CYYR1: variants seen among roughly 807,000 people sequenced by gnomAD.
The protein encoded by CYYR1 is cysteine and tyrosine-rich protein 1.
Under a neutral mutation model 15.2 loss-of-function variants are expected in CYYR1, and 14 were observed. That is an observed-to-expected ratio of 0.92 (90% CI 0.61 to 1.44). The LOEUF is 1.44. Among genes scored for constraint, CYYR1 ranks in the 40% most tolerant of loss-of-function variants. CYYR1 has a pLI of 0.00. For synonymous variants in CYYR1, 80 were observed against 77.4 expected (o/e 1.03, Z -0.18); for missense variants, 228 against 209.5 (o/e 1.09, Z -0.54).
intron 2 of CYYR1, chr21:26,564,760 T>A: frequency 8.1e-7 from 1 of 1,231,648 alleles, no homozygotes; most frequent in Non-Finnish European, 1.0e-6. Context: ...GACCAAAGAA[T>A]CACAGAATCA....
At chr21:26,477,830 A>T in intron 3 of CYYR1, 1 of 1,191,658 alleles carries the variant, frequency 8.4e-7, no homozygotes, top group Admixed American at 4.3e-5. Context: ...AGGTATAAAT[A>T]ATAATAAAAA....
intron 2 of CYYR1, among the ~76,000 whole-genome samples, chr21:26,563,887 T>A (rs1166990604): frequency 6.6e-6 from 1 of 152,230 alleles, no homozygotes; most frequent in Non-Finnish European, 1.5e-5. Context: ...ACATTTTTAT[T>A]TTAAAAACAA....
chr21:26,556,449 G>A (rs1301184343), intron 2 of CYYR1, among the ~76,000 whole-genome samples: 2 of 152,114 alleles, frequency 1.3e-5, no homozygotes, highest in Non-Finnish European at 2.9e-5. Context: ...ATAGTAACAG[G>A]ATAGTGTATT....
rs144926054 is a variant in CYYR1, at chr21:26,474,109, C to T, written c.335-5475G>A. Among the ~76,000 whole-genome samples the T allele has an allele frequency of 5.3e-3, 778 of 147,736 alleles. 7 individuals carry two copies. The highest frequency in any genetic ancestry group is 0.017 in the African/African-American group (695 of 39,992). ...TTGCCCAGGCTGGAGTGCAATGGCG[C>T]GATCTTGCCTCACTGTAAACTCCAC... On this transcript the variant is annotated intron_variant, in intron 3 of 3. Transcript: ENST00000652641.
chr21:26,499,010 T>A (rs892400617), intron 2 of CYYR1, among the ~76,000 whole-genome samples: 1 of 152,164 alleles, frequency 6.6e-6, no homozygotes, highest in Non-Finnish European at 1.5e-5. Context: ...CCATATCAGC[T>A]GTGTTTCAAA....
chr21:26,539,665 T>A (rs1337849816), intron 2 of CYYR1, among the ~76,000 whole-genome samples: 1 of 152,244 alleles, frequency 6.6e-6, no homozygotes, highest in Non-Finnish European at 1.5e-5. Context: ...CTCAACATAC[T>A]TAGATCTCTA....
In CYYR1 at chr21:26,480,298, T is replaced by C. The variant is rs751433815; in HGVS notation, c.308A>G (p.His103Arg). Residue 103 changes from histidine to arginine, a missense_variant, in exon 3 of 4, where the codon CAC becomes CGC. His to Arg is a conservative substitution (Grantham distance 29). Coordinates refer to ENST00000652641, the MANE Select transcript of CYYR1 (RefSeq NM_001320768.2). ...ATRVGILRTT[H>R]INTVSSYPAG... ...AGGATAGGAGGAGACGGTGTTGATG[T>C]GAGTCGTCCTGAGGATGCCCACGCG... is the stretch of plus-strand genomic sequence containing the variant. 1 of 1,612,864 alleles carries C rather than the reference T, an allele frequency of 6.2e-7. No homozygotes were observed. Among genetic ancestry groups the C allele is most frequent in the South Asian group, 1.1e-5 (1 of 90,916 alleles).
chr21:26,548,743 A>G (rs1979162992), intron 2 of CYYR1, among the ~76,000 whole-genome samples: 2 of 152,136 alleles, frequency 1.3e-5, no homozygotes. Context: ...TTTCTACCCT[A>G]ATTTTCTACC....
At chr21:26,476,694 T>G (rs1196844840) in intron 3 of CYYR1, among the ~76,000 whole-genome samples, 1 of 152,036 alleles carries the variant, frequency 6.6e-6, no homozygotes, top group African/African-American at 2.4e-5. Flanking sequence ...ATACGTCAAA[T>G]CTCATTTTTC....
chr21:26,512,028 G>A (rs1381495151), intron 2 of CYYR1, among the ~76,000 whole-genome samples: 4 of 146,630 alleles, frequency 2.7e-5, no homozygotes, highest in Non-Finnish European at 6.0e-5. Context: ...CTTGAAGTAC[G>A]GCAGTACCAT....
At chr21:26,520,110 G>GAATATATATATATATATATATATA (rs2065782778) in intron 2 of CYYR1, among the ~76,000 whole-genome samples, 1 of 47,778 alleles carries the variant, frequency 2.1e-5, no homozygotes, top group African/African-American at 9.5e-5. Flanking sequence ...AAAAAACCCA[G>GAATATATATATATATATATATATA]GAGATATATA....
At chr21:26,504,798 C>A (rs2065532201) in intron 2 of CYYR1, among the ~76,000 whole-genome samples, 1 of 152,188 alleles carries the variant, frequency 6.6e-6, no homozygotes, top group African/African-American at 2.4e-5. Flanking sequence ...TCACCTCCAT[C>A]CGATTCCCTG....
chr21:26,509,077 A>G (rs2065609485), intron 2 of CYYR1, among the ~76,000 whole-genome samples: 1 of 152,196 alleles, frequency 6.6e-6, no homozygotes, highest in Non-Finnish European at 1.5e-5. Context: ...TCACACTCAA[A>G]GGCTTCTCAT....
At chr21:26,521,418 T>C (rs867983653) in intron 2 of CYYR1, among the ~76,000 whole-genome samples, 1 of 152,244 alleles carries the variant, frequency 6.6e-6, no homozygotes, top group African/African-American at 2.4e-5. Flanking sequence ...CCTAGAGATA[T>C]GCTCAGGTAT....
chr21:26,473,425 C>A (rs1028386210), intron 3 of CYYR1, among the ~76,000 whole-genome samples: 1 of 152,188 alleles, frequency 6.6e-6, no homozygotes, highest in African/African-American at 2.4e-5. Context: ...TATTGTTCCC[C>A]TTCCACTCAG....
At chr21:26,481,799 G>A (rs1424151200) in intron 2 of CYYR1, among the ~76,000 whole-genome samples, 3 of 151,654 alleles carry the variant, frequency 2.0e-5, no homozygotes, top group Non-Finnish European at 2.9e-5. Flanking sequence ...TACTAGTATT[G>A]AATACTAGTA....
intron 2 of CYYR1, among the ~76,000 whole-genome samples, chr21:26,486,699 CTG>C (rs2065252731): frequency 6.6e-6 from 1 of 151,866 alleles, no homozygotes; most frequent in South Asian, 2.1e-4. Flanking sequence ...TAATATGAAA[CTG>C]TCTTTTATAA....
intron 2 of CYYR1, among the ~76,000 whole-genome samples, chr21:26,542,161 A>C (rs1978591998): frequency 6.7e-6 from 1 of 149,414 alleles, no homozygotes; most frequent in Non-Finnish European, 1.5e-5. Context: ...TGCCCTCTGA[A>C]TACAGAAACT....
chr21:26,478,060 C>T, intron 3 of CYYR1: 1 of 1,547,824 alleles, frequency 6.5e-7, no homozygotes. Flanking sequence ...CATTATGTAC[C>T]AGGCCTGGTC....
Sources: allele counts gnomAD v4.1 joint callset (sites outside exome capture counted in the v4.1 genomes callset), GRCh38; gene constraint gnomAD v4.1.1; transcripts MANE v1.5; gene names NCBI Gene and HGNC (gene_info 2026-07-23, HGNC 2026-07-21).